The following GRM1 variants were observed in gnomAD, a reference collection of about 807,000 sequenced individuals.
GRM1 encodes the protein glutamate metabotropic receptor 1.
In GRM1, 33 loss-of-function variants were observed where a neutral mutation model predicts 90.9. That is an observed-to-expected ratio of 0.36 (90% CI 0.28 to 0.49). The LOEUF (loss-of-function observed/expected upper bound fraction) is 0.49, where lower values mean the gene tolerates loss of function less well. Among genes scored for constraint, GRM1 ranks in the 20% least tolerant of loss-of-function variants. The pLI is 0.99. For synonymous variants in GRM1, 700 were observed against 613.2 expected (o/e 1.14, Z -2.09); for missense variants, 1,190 against 1,534.3 (o/e 0.78, Z 3.75).
intron 1 of GRM1, among the ~76,000 whole-genome samples, chr6:146,065,350 G>GT (rs1176815152): frequency 6.6e-6 from 1 of 152,156 alleles, no homozygotes; most frequent in Admixed American, 6.6e-5. Context: ...CTGCAAAGTG[G>GT]TAATGAGCAG....
Position 146,352,365 on chromosome 6 carries a change from C to A in GRM1, c.1302C>A (p.Gly434=). ...LQNMHHALCP[G]HVGLCDAMKP... ...ACATGCACCATGCCCTCTGCCCTGG[C>A]CACGTGGGCCTCTGCGATGCCATGA... The change falls in exon 4 of 8, where the codon GGC becomes GGA. Residue 434 remains glycine, a synonymous_variant. Coordinates refer to ENST00000282753, the MANE Select transcript of GRM1 (RefSeq NM_001278064.2). The A allele has an allele frequency of 6.2e-7, 1 of 1,614,162 alleles. No individual in the cohort carries two copies. The highest frequency in any genetic ancestry group is 8.5e-7 in the Non-Finnish European group (1 of 1,179,974).
chr6:146,323,299 A>G (rs538016999), intron 3 of GRM1, among the ~76,000 whole-genome samples: 27 of 152,234 alleles, frequency 1.8e-4, no homozygotes, highest in South Asian at 6.2e-4. Flanking sequence ...GTGTGAAATG[A>G]TATCTCATTG....
At chr6:146,254,819 T>C (rs1583228017) in intron 2 of GRM1, among the ~76,000 whole-genome samples, 1 of 152,172 alleles carries the variant, frequency 6.6e-6, no homozygotes, top group African/African-American at 2.4e-5. Flanking sequence ...TCAGTTCTTA[T>C]ATCATCTTCC....
chr6:146,087,776 C>T (rs545981561), intron 1 of GRM1, among the ~76,000 whole-genome samples: 5 of 152,138 alleles, frequency 3.3e-5, no homozygotes, highest in Non-Finnish European at 7.4e-5. Context: ...CTCAAAAGTT[C>T]ATTCCTTTTT....
At chr6:146,162,458 A>G (rs1371735239) in intron 2 of GRM1, among the ~76,000 whole-genome samples, 6 of 152,142 alleles carry the variant, frequency 3.9e-5, no homozygotes, top group African/African-American at 1.2e-4. Flanking sequence ...ACTTGTCACC[A>G]CTTCCTCTGC....
intron 2 of GRM1, among the ~76,000 whole-genome samples, chr6:146,247,284 C>G (rs1227015039): frequency 6.6e-6 from 1 of 152,130 alleles, no homozygotes; most frequent in Non-Finnish European, 1.5e-5. Flanking sequence ...ATCTGTGGGG[C>G]CACTTATCTG....
chr6:146,349,790 G>T (rs1785328417), intron 3 of GRM1, among the ~76,000 whole-genome samples: 1 of 152,094 alleles, frequency 6.6e-6, no homozygotes, highest in Non-Finnish European at 1.5e-5. Flanking sequence ...TTACATAACT[G>T]TGAAATTAGT....
At chr6:146,254,638 G>T (rs537357228) in intron 2 of GRM1, among the ~76,000 whole-genome samples, 1 of 152,158 alleles carries the variant, frequency 6.6e-6, no homozygotes. Flanking sequence ...TACCATATAT[G>T]TTGCTCTGTT....
chr6:146,078,229 G>T (rs1255683278), intron 1 of GRM1, among the ~76,000 whole-genome samples: 2 of 152,108 alleles, frequency 1.3e-5, no homozygotes, highest in Non-Finnish European at 2.9e-5. Context: ...TATTATTCAG[G>T]CTGAGATCTG....
intron 2 of GRM1, among the ~76,000 whole-genome samples, chr6:146,248,049 A>T (rs903018700): frequency 6.6e-6 from 1 of 151,662 alleles, no homozygotes; most frequent in Middle Eastern, 3.2e-3. Context: ...ATTGGGAAGG[A>T]TGCTCTGTTC....
At chr6:146,041,097 TG>T in intron 1 of GRM1, among the ~76,000 whole-genome samples, 1 of 152,178 alleles carries the variant, frequency 6.6e-6, no homozygotes, top group South Asian at 2.1e-4. Flanking sequence ...TGTTTAACTT[TG>T]TAAATTAATT....
upstream of GRM1, among the ~76,000 whole-genome samples, chr6:146,028,375 G>GA (rs972324814): frequency 4.6e-5 from 7 of 151,902 alleles, no homozygotes; most frequent in Non-Finnish European, 1.0e-4. Flanking sequence ...CCCTGCCAGG[G>GA]AATGTCTGGC....
chr6:146,375,091 A>T (rs1335843249), intron 5 of GRM1, among the ~76,000 whole-genome samples: 2 of 152,036 alleles, frequency 1.3e-5, no homozygotes, highest in Non-Finnish European at 2.9e-5. Flanking sequence ...ATTCATTTCA[A>T]TAAATTTTTC....
chr6:146,211,002 G>T (rs189117019), intron 2 of GRM1, among the ~76,000 whole-genome samples: 1 of 151,542 alleles, frequency 6.6e-6, no homozygotes, highest in Non-Finnish European at 1.5e-5. Context: ...TGACCCTTTC[G>T]GAAAAAAACT....
chr6:146,308,310 C>T (rs1783651395), intron 3 of GRM1, among the ~76,000 whole-genome samples: 1 of 152,100 alleles, frequency 6.6e-6, no homozygotes, highest in Non-Finnish European at 1.5e-5. Flanking sequence ...CCACCTCACA[C>T]AGAACTCTGC....
At chr6:146,199,748 T>G (rs550523819) in intron 2 of GRM1, among the ~76,000 whole-genome samples, 2 of 152,110 alleles carry the variant, frequency 1.3e-5, no homozygotes, top group East Asian at 3.9e-4. Context: ...CCGGGTATGG[T>G]GGCTCATGCC....
chr6:146,133,072 G>C (rs548203634), intron 1 of GRM1, among the ~76,000 whole-genome samples: 2 of 152,172 alleles, frequency 1.3e-5, no homozygotes, highest in Admixed American at 1.3e-4. Context: ...TCTGAAATGA[G>C]TCAGAGACAT....
intron 5 of GRM1, among the ~76,000 whole-genome samples, chr6:146,372,782 T>G (rs1480816978): frequency 6.6e-6 from 1 of 152,112 alleles, no homozygotes; most frequent in Non-Finnish European, 1.5e-5. Flanking sequence ...GTGTGTGGAT[T>G]TGTTCCTGGA....
intron 1 of GRM1, among the ~76,000 whole-genome samples, chr6:146,055,849 T>C (rs2128851228): frequency 6.6e-6 from 1 of 152,236 alleles, no homozygotes; most frequent in Non-Finnish European, 1.5e-5. Context: ...TGTATTTACT[T>C]TATTTAGTGA....
Sources: gnomAD v4.1 joint callset for allele counts (sites outside exome capture counted in the v4.1 genomes callset) on GRCh38, gnomAD v4.1.1 for gene constraint, MANE v1.5 for transcripts, NCBI Gene and HGNC (gene_info 2026-07-23, HGNC 2026-07-21) for gene names.